Variants in GEMIN5 observed in about 807,000 individuals in gnomAD.
GEMIN5 encodes gem-associated protein 5.
In GEMIN5, 124 loss-of-function variants were observed where a neutral mutation model predicts 176.9. The ratio of observed to expected loss-of-function variants is 0.70; its 90% CI spans 0.61 to 0.81. GEMIN5 has a LOEUF of 0.81. GEMIN5 is among the 40% of genes least tolerant of loss of function. The pLI is 0.00. For synonymous variants in GEMIN5, 673 were observed against 665.2 expected, an observed-to-expected ratio of 1.01 and a Z score of -0.18; for missense variants, 1,843 against 1,814.6, an observed-to-expected ratio of 1.02 and a Z score of -0.28.
At chr5:154,903,249 G>C in intron 18 of GEMIN5, 74 bp from the exon 19 acceptor site, 1 of 977,232 alleles carries the variant, frequency 1.0e-6, no homozygotes. Flanking sequence ...AATAACTTCC[G>C]AATATATGTT....
At chr5:154,916,551 A>C (rs1763814220) in intron 13 of GEMIN5, among the ~76,000 whole-genome samples, 1 of 152,072 alleles carries the variant, frequency 6.6e-6, no homozygotes, top group Non-Finnish European at 1.5e-5. Context: ...GCAGTGGTGC[A>C]AATATAGCTC....
intron 16 of GEMIN5, among the ~76,000 whole-genome samples, chr5:154,906,766 G>A (rs1459362070): frequency 6.6e-6 from 1 of 152,142 alleles, no homozygotes; most frequent in African/African-American, 2.4e-5. Flanking sequence ...CCCCAACTAT[G>A]TGTCTAACAG....
chr5:154,933,676 CTTTA>C (rs1425830394), intron 3 of GEMIN5, among the ~76,000 whole-genome samples: 4 of 152,126 alleles, frequency 2.6e-5, no homozygotes, highest in African/African-American at 9.6e-5. Flanking sequence ...ACCAGCACAG[CTTTA>C]TTTATTTTTT....
chr5:154,915,814 T>C (rs1212182528), intron 13 of GEMIN5, among the ~76,000 whole-genome samples: 2 of 152,106 alleles, frequency 1.3e-5, no homozygotes, highest in African/African-American at 2.4e-5. Flanking sequence ...ATAATGTTTT[T>C]GGAGAGCCGC....
intron 27 of GEMIN5, 138 bp from the exon 28 acceptor site, chr5:154,888,515 A>G: frequency 1.5e-6 from 1 of 648,630 alleles, no homozygotes; most frequent in Non-Finnish European, 2.7e-6. Flanking sequence ...TCCTAAGGCA[A>G]TGTCCTGTCT....
rs1763893494 is a variant in GEMIN5 at position 154,920,065 on chromosome 5, A to G, written c.1501T>C (p.Cys501Arg). 1 of 1,613,014 alleles carries G rather than the reference A, an allele frequency of 6.2e-7. No homozygotes were observed. Among genetic ancestry groups the G allele is most frequent in the African/African-American group, 1.3e-5 (1 of 75,020 alleles). ...GDRPSLALYS[C>R]GGEGIVLQHN... ...TGTAAGACAATCCCTTCTCCTCCAC[A>G]GCTGTATAAAGCAAGGGAAGGTCTG... Residue 501 changes from cysteine to arginine, a missense_variant, in exon 11 of 28, where the codon TGT becomes CGT. Cys to Arg is a radical substitution (Grantham distance 180, BLOSUM62 -3). Coordinates refer to ENST00000285873, the MANE Select transcript of GEMIN5 (RefSeq NM_015465.5).
chr5:154,932,579 CTCT>C (rs1465496502), intron 3 of GEMIN5, among the ~76,000 whole-genome samples: 7 of 152,178 alleles, frequency 4.6e-5, no homozygotes, highest in Middle Eastern at 3.4e-3. Flanking sequence ...GGTGCAGCAA[CTCT>C]TCTTTTTTCC....
rs559996896 is a variant in GEMIN5, at chr5:154,905,110, C to A, written c.2509+253G>T. Among the ~76,000 whole-genome samples the A allele has an allele frequency of 2.0e-5, 3 of 152,268 alleles. No homozygotes were observed. In the South Asian group the frequency reaches 6.2e-4, roughly 32 times the overall value. ...TCGGGAGGCTGAGGCAGGAGGATCG[C>A]TTGAGCCCGGGAAGTGGAGTTTGTA... On this transcript the variant is annotated intron_variant, in intron 17 of 27. Transcript: ENST00000285873.
chr5:154,895,336 GA>G (rs370508883), intron 24 of GEMIN5, among the ~76,000 whole-genome samples: 254 of 75,640 alleles, frequency 3.4e-3, no homozygotes, highest in East Asian at 6.4e-3. Context: ...CTCCAGAAAG[GA>G]AAAAAAAAAA....
At chr5:154,909,263 T>C (rs1230623306) in intron 15 of GEMIN5, among the ~76,000 whole-genome samples, 1 of 149,914 alleles carries the variant, frequency 6.7e-6, no homozygotes, top group South Asian at 2.1e-4. Flanking sequence ...CTACTGTGCC[T>C]GGCCCACAAG....
At chr5:154,896,055 G>A in intron 24 of GEMIN5, 37 bp downstream of exon 24, 1 of 1,605,914 alleles carries the variant, frequency 6.2e-7, no homozygotes. Context: ...TCTTACCACT[G>A]AGTGATTAAT....
At position 154,897,856 on chromosome 5, in the gene GEMIN5, T is replaced by G. The variant is rs1379155177; in HGVS notation, c.3345+584A>C. Among the ~76,000 whole-genome samples the G allele has an allele frequency of 2.6e-5, 4 of 151,624 alleles. No homozygotes were observed. In the East Asian group the frequency reaches 7.7e-4, roughly 29 times the overall value. On this transcript the variant is annotated intron_variant, in intron 23 of 27. Coordinates refer to ENST00000285873, the MANE Select transcript of GEMIN5 (RefSeq NM_015465.5). Reference sequence around the variant, plus strand: ...AGGAAGACAGTGCTGATAACATCAATGAAGAAACCCTAGACTGCCAACCCA... The same window carrying G: ...AGGAAGACAGTGCTGATAACATCAAGGAAGAAACCCTAGACTGCCAACCCA...
intron 24 of GEMIN5, 140 bp downstream of exon 24, chr5:154,895,952 T>C (rs1763341699): frequency 2.4e-6 from 2 of 842,816 alleles, no homozygotes; most frequent in Non-Finnish European, 3.8e-6. Flanking sequence ...TAAAGGGATC[T>C]TTCCAGGTGG....
intron 24 of GEMIN5, 128 bp from the exon 25 acceptor site, chr5:154,892,677 T>C (rs1161847321): frequency 1.0e-5 from 9 of 868,342 alleles, no homozygotes; most frequent in African/African-American, 1.7e-5. Flanking sequence ...AAGTTCCTCT[T>C]GTCTCCGCCA....
At chr5:154,892,627 A>T (rs1182713842) in intron 24 of GEMIN5, 78 bp from the exon 25 acceptor site, 2 of 1,386,486 alleles carry the variant, frequency 1.4e-6, no homozygotes, top group Admixed American at 2.2e-5. Context: ...TGTTCCTGTG[A>T]ACCGCATTTG....
chr5:154,905,414 T>C lies in GEMIN5; in HGVS notation c.2458A>G (p.Ile820Val). Residue 820 changes from isoleucine to valine, a missense_variant, in exon 17 of 28, where the codon ATT becomes GTT. Coordinates refer to ENST00000285873, the MANE Select transcript of GEMIN5 (RefSeq NM_015465.5). ...TTCAGTAAAATGACTTTGTTATTAA[T>C]GGTGACTTTTGACTTTTCAAAGCCT... ...SSGFEKSKVT[I>V]NNKVILLKKE... is the part of the protein sequence containing the mutation. 4 of 1,610,424 alleles carry C rather than the reference T, an allele frequency of 2.5e-6. No homozygotes were observed. In the South Asian group the frequency reaches 3.3e-5, roughly 13 times the overall value.
In GEMIN5 at chr5:154,937,204, G is replaced by C. The variant is rs372213475; in HGVS notation, c.167-19C>G. ...CCTATGACTTTAAGCAAAACCAGAC[G>C]CTAGGTTAATCGAAGTGCTATCCAA... is the stretch of plus-strand genomic sequence containing the variant. On this transcript the variant is annotated intron_variant, in intron 1 of 27. Transcript: ENST00000285873. The C allele has an allele frequency of 1.9e-6, 3 of 1,574,038 alleles. No individual in the cohort carries two copies. The highest frequency in any genetic ancestry group is 2.6e-6 in the Non-Finnish European group (3 of 1,154,302).
In GEMIN5 at chr5:154,902,691, G is replaced by A; in HGVS notation, c.2729-15C>T. On this transcript the variant is annotated splice_polypyrimidine_tract_variant and intron_variant, in intron 19 of 27. Transcript: ENST00000285873. ...GTGACCTTTTCCTGTTTGAAAGAGAGATAATGTTTGGAAGGTGTTTCAGAA... is the reference window on the plus strand; with the variant it reads ...GTGACCTTTTCCTGTTTGAAAGAGAAATAATGTTTGGAAGGTGTTTCAGAA... The A allele has an allele frequency of 6.2e-7, 1 of 1,612,492 alleles. No homozygotes were observed.
In GEMIN5 at chr5:154,905,423, T is replaced by C. The variant is rs762383080; in HGVS notation, c.2449A>G (p.Lys817Glu). The C allele has an allele frequency of 9.3e-6, 15 of 1,610,672 alleles. 1 individual carries two copies. The Middle Eastern group carries it at 4.9e-4, about 53-fold the overall frequency. Residue 817 changes from lysine to glutamate, a missense_variant, in exon 17 of 28, where the codon AAA becomes GAA. Transcript: ENST00000285873. ...TPVSSGFEKS[K>E]VTINNKVILL... Reference sequence around the variant, plus strand: ...ATGACTTTGTTATTAATGGTGACTTTTGACTTTTCAAAGCCTGAGGAAACT... The same window carrying C: ...ATGACTTTGTTATTAATGGTGACTTCTGACTTTTCAAAGCCTGAGGAAACT...
Sources: allele counts gnomAD v4.1 joint callset (sites outside exome capture counted in the v4.1 genomes callset), GRCh38; gene constraint gnomAD v4.1.1; transcripts MANE v1.5; gene names NCBI Gene and HGNC (gene_info 2026-07-23, HGNC 2026-07-21).